The following RBFOX1 variants were observed in gnomAD, a reference collection of about 807,000 sequenced individuals.
RBFOX1 encodes RNA binding protein fox-1 homolog 1.
A neutral mutation model predicts 57.7 loss-of-function variants in RBFOX1; 8 were observed. That is an observed-to-expected ratio of 0.14 (90% CI 0.08 to 0.25). The LOEUF (loss-of-function observed/expected upper bound fraction) is 0.25, where lower values mean the gene tolerates loss of function less well. Ranked by LOEUF, RBFOX1 falls within the 10% of genes least tolerant of loss-of-function variation. The pLI, the probability that RBFOX1 is intolerant of heterozygous loss-of-function variation, is 1.00. For synonymous variants in RBFOX1, 326 were observed against 222.4 expected (o/e 1.47, Z -4.15); for missense variants, 611 against 548.5 (o/e 1.11, Z -1.14).
intron 1 of RBFOX1, among the ~76,000 whole-genome samples, chr16:6,248,683 G>C (rs781204905): frequency 2.0e-5 from 3 of 151,848 alleles, no homozygotes; most frequent in Non-Finnish European, 4.4e-5. Context: ...GTGATGGAGG[G>C]GTGATTTGAT....
chr16:7,329,790 G>C (rs2096660359), intron 4 of RBFOX1, among the ~76,000 whole-genome samples: 1 of 152,198 alleles, frequency 6.6e-6, no homozygotes, highest in African/African-American at 2.4e-5. Flanking sequence ...AAAGGTTATT[G>C]TATCATGGCG....
rs1369915114 is a variant in RBFOX1, at chr16:5,278,049, G to C, written c.219+37944G>C. ...AGTGGGATTGCTGGATCATATGGTA[G>C]ATCTGTTCTTAGTTTTTTGAGAAAT... is the stretch of plus-strand genomic sequence containing the variant. On this transcript the variant is annotated intron_variant, in intron 1 of 2. Transcript: ENST00000585867. Among the ~76,000 whole-genome samples the C allele has an allele frequency of 2.0e-5, 3 of 152,094 alleles. No homozygotes were observed. In the East Asian group the frequency reaches 5.8e-4, roughly 29 times the overall value.
At chr16:5,956,322 T>G (rs2059638343) in intron 4 of RBFOX1, among the ~76,000 whole-genome samples, 1 of 152,126 alleles carries the variant, frequency 6.6e-6, no homozygotes. Flanking sequence ...CAGTAAAATT[T>G]GAATTTTACA....
At chr16:6,329,396 T>C (rs561429221) in intron 2 of RBFOX1, among the ~76,000 whole-genome samples, 6 of 152,322 alleles carry the variant, frequency 3.9e-5, no homozygotes, top group African/African-American at 1.4e-4. Flanking sequence ...TTAGACAGCA[T>C]GCAAAAGCTG....
chr16:7,173,415 A>G (rs374013908), intron 4 of RBFOX1, among the ~76,000 whole-genome samples: 12 of 152,312 alleles, frequency 7.9e-5, no homozygotes, highest in South Asian at 2.1e-4. Context: ...GTATACGTAT[A>G]TATCTGTGCA....
chr16:6,852,885 C>A (rs988615921), intron 3 of RBFOX1, among the ~76,000 whole-genome samples: 1 of 152,066 alleles, frequency 6.6e-6, no homozygotes, highest in Non-Finnish European at 1.5e-5. Flanking sequence ...ATGCTGGGAA[C>A]TAGCTGTCCA....
intron 4 of RBFOX1, among the ~76,000 whole-genome samples, chr16:7,173,312 T>A (rs1283362560): frequency 6.6e-6 from 1 of 152,134 alleles, no homozygotes; most frequent in Non-Finnish European, 1.5e-5. Flanking sequence ...TTGAAGAAAC[T>A]AATAGCTGGA....
rs937204163 is a variant in RBFOX1, at chr16:6,173,237, G to A, written c.-126-143758G>A. ...ACTTCTGAGGGGTGGGGTAGGCATT[G>A]TTCTGTGTACTATGACTGCCAACAC... On this transcript the variant is annotated intron_variant, in intron 1 of 15. Coordinates refer to ENST00000550418, the MANE Select transcript of RBFOX1 (RefSeq NM_018723.4). Among the ~76,000 whole-genome samples, 7 of 152,272 alleles carry A rather than the reference G, an allele frequency of 4.6e-5. 1 individual carries two copies. The South Asian group carries it at 1.5e-3, about 32-fold the overall frequency.
intron 1 of RBFOX1, among the ~76,000 whole-genome samples, chr16:5,253,472 A>C (rs1166961607): frequency 6.6e-6 from 1 of 152,004 alleles, no homozygotes; most frequent in Non-Finnish European, 1.5e-5. Context: ...GTCATTCTGG[A>C]TACTTATCAT....
At chr16:6,543,363 C>T (rs1030449897) in intron 2 of RBFOX1, among the ~76,000 whole-genome samples, 1 of 152,096 alleles carries the variant, frequency 6.6e-6, no homozygotes, top group Admixed American at 6.5e-5. Context: ...CACTGAGTCT[C>T]TACTCGGTGG....
Position 7,623,631 on chromosome 16 carries a change from T to A in RBFOX1, c.677-6972T>A, listed in dbSNP as rs2059641866. On this transcript the variant is annotated intron_variant, in intron 10 of 15. Transcript: ENST00000550418. ...ACACATGAAGCTTTGCTCGCTCACCTGCAGCTCACCTCCTGCTGTGTGGCC... is the reference window on the plus strand; with the variant it reads ...ACACATGAAGCTTTGCTCGCTCACCAGCAGCTCACCTCCTGCTGTGTGGCC... Among the ~76,000 whole-genome samples the A allele has an allele frequency of 1.3e-5, 2 of 152,206 alleles. 1 individual carries two copies. The highest frequency in any genetic ancestry group is 1.3e-4 in the Admixed American group (2 of 15,282).
intron 4 of RBFOX1, among the ~76,000 whole-genome samples, chr16:7,355,023 C>T (rs563619825): frequency 2.0e-5 from 3 of 152,294 alleles, no homozygotes; most frequent in African/African-American, 7.2e-5. Context: ...TTTGTACTTG[C>T]CCTGTACCAG....
rs2097174079 is a variant in RBFOX1, at chr16:6,195,505, G to T, written c.-126-121490G>T. On this transcript the variant is annotated intron_variant, in intron 1 of 15. Transcript: ENST00000550418. ...GGCCAAGGCGGGCCAATCACCTGAGGTCGGGATTTCGAGACCAGCCTGACC... is the reference window on the plus strand; with the variant it reads ...GGCCAAGGCGGGCCAATCACCTGAGTTCGGGATTTCGAGACCAGCCTGACC... Among the ~76,000 whole-genome samples the T allele has an allele frequency of 2.0e-5, 3 of 152,242 alleles. No homozygotes were observed. In the South Asian group the frequency reaches 6.2e-4, roughly 32 times the overall value.
intron 4 of RBFOX1, among the ~76,000 whole-genome samples, chr16:5,978,128 CAAAAAAAAAAAAAAAAAAAAA>C (rs140908065): frequency 6.3e-5 from 2 of 31,516 alleles, no homozygotes; most frequent in South Asian, 1.5e-3. Context: ...CTGTCTCTTC[CAAAAAAAAAAAAAAAAAAAAA>C]AAAAAAAAAA....
chr16:5,705,151 C>T (rs933876782), intron 3 of RBFOX1, among the ~76,000 whole-genome samples: 3 of 152,140 alleles, frequency 2.0e-5, no homozygotes, highest in African/African-American at 7.2e-5. Context: ...TTCCTGCAAC[C>T]TTTGATCTTT....
At chr16:5,847,518 G>A (rs1427337660) in intron 3 of RBFOX1, among the ~76,000 whole-genome samples, 9 of 152,202 alleles carry the variant, frequency 5.9e-5, no homozygotes, top group Admixed American at 4.6e-4. Context: ...TTAGTTTTCA[G>A]GGTCTTACCA....
intron 3 of RBFOX1, among the ~76,000 whole-genome samples, chr16:6,673,213 C>A (rs1419937324): frequency 1.3e-5 from 2 of 152,110 alleles, no homozygotes; most frequent in African/African-American, 4.8e-5. Flanking sequence ...AGTCTTCATC[C>A]CATCTGTGTC....
intron 2 of RBFOX1, among the ~76,000 whole-genome samples, chr16:5,575,583 C>A (rs1054711995): frequency 2.0e-5 from 3 of 152,288 alleles, no homozygotes; most frequent in African/African-American, 7.2e-5. Context: ...AACACACATC[C>A]CATGCCAGCC....
rs982037792 is a variant in RBFOX1, at chr16:7,033,423, G to A, written c.-15-18634G>A. Among the ~76,000 whole-genome samples the A allele has an allele frequency of 3.3e-5, 5 of 152,200 alleles. No homozygotes were observed. In the South Asian group the frequency reaches 6.2e-4, roughly 19 times the overall value. On this transcript the variant is annotated intron_variant, in intron 3 of 15. Coordinates refer to ENST00000550418, the MANE Select transcript of RBFOX1 (RefSeq NM_018723.4). ...TAATCCCAGCTACTTGGGAGGCTGA[G>A]GCAGGAGATTCGCTTGATCCCGGGA...
Sources: gnomAD v4.1 joint callset for allele counts (sites outside exome capture counted in the v4.1 genomes callset) on GRCh38, gnomAD v4.1.1 for gene constraint, MANE v1.5 for transcripts, NCBI Gene and HGNC (gene_info 2026-07-23, HGNC 2026-07-21) for gene names.